Variants in WBP2NL observed in about 807,000 individuals in gnomAD.
The protein encoded by WBP2NL is WBP2 N-terminal like, also known as postacrosomal sheath WW domain-binding protein.
Under a neutral mutation model 23.3 loss-of-function variants are expected in WBP2NL, and 27 were observed. The ratio of observed to expected loss-of-function variants is 1.16; its 90% CI spans 0.85 to 1.60. WBP2NL has a LOEUF of 1.60. WBP2NL is among the 40% of genes most tolerant of loss of function. The pLI is 0.00. For synonymous variants in WBP2NL, 151 were observed against 145.9 expected (o/e 1.03, Z -0.25); for missense variants, 370 against 389.5 (o/e 0.95, Z 0.42).
rs1924536972 is a variant in WBP2NL, at chr22:42,026,775, A to C, written c.524A>C (p.Tyr175Ser). ...TPQMPCSVIV[Y>S]GAPPAGYGAP... Reference sequence around the variant, plus strand: ...CCATTATAATTCCCAGTTATTGTCTATGGAGCCCCACCTGCAGGATATGGA... The same window carrying C: ...CCATTATAATTCCCAGTTATTGTCTCTGGAGCCCCACCTGCAGGATATGGA... The change falls in exon 6 of 6, where the codon TAT becomes TCT. Residue 175 changes from tyrosine to serine, a missense_variant. Tyr to Ser is a moderately radical substitution (Grantham distance 144). Coordinates refer to ENST00000328823, the MANE Select transcript of WBP2NL (RefSeq NM_152613.3). 1 of 1,613,602 alleles carries C rather than the reference A, an allele frequency of 6.2e-7. No individual in the cohort carries two copies. The highest frequency in any genetic ancestry group is 1.3e-5 in the African/African-American group (1 of 74,896).
chr22:42,041,362 G>A (rs133353), intron 8 of WBP2NL, among the ~76,000 whole-genome samples: 94,883 of 151,462 alleles, frequency 0.63, 30,270 homozygotes, highest in East Asian at 0.85. Flanking sequence ...CACACCTGTA[G>A]TCCCAGCTAC....
At chr22:42,016,183 G>A (rs571146648) in intron 1 of WBP2NL, among the ~76,000 whole-genome samples, 164 of 152,056 alleles carry the variant, frequency 1.1e-3, no homozygotes, top group African/African-American at 3.7e-3. Context: ...GTTTCTCCAT[G>A]TTGGTCATGC....
At position 42,048,149 on chromosome 22, in the gene WBP2NL, C is replaced by T. The variant is rs767429174; in HGVS notation, c.*274-10141C>T. ...CTAAAGAAGAAAAATAGGCTGGGTG[C>T]GGTGGCTCACACCTGTAATCCCAGC... On this transcript the variant is annotated intron_variant and NMD_transcript_variant, in intron 8 of 8. Coordinates refer to the WBP2NL transcript ENST00000436265. Among the ~76,000 whole-genome samples, 19 of 151,718 alleles carry T rather than the reference C, an allele frequency of 1.3e-4. No individual in the cohort carries two copies. The East Asian group carries it at 1.8e-3, about 14-fold the overall frequency.
chr22:42,032,830 T>G, downstream of WBP2NL: 2 of 384,612 alleles, frequency 5.2e-6, no homozygotes. Context: ...GACCAGCAGT[T>G]TGATTAGTTT....
intron 1 of WBP2NL, among the ~76,000 whole-genome samples, chr22:41,999,317 A>C (rs1237636208): frequency 6.6e-6 from 1 of 152,120 alleles, no homozygotes; most frequent in African/African-American, 2.4e-5. Flanking sequence ...ATCTCCTCCT[A>C]CTTCCACGAA....
chr22:41,999,070 C>T (rs1422678654), intron 1 of WBP2NL, among the ~76,000 whole-genome samples, 190 bp downstream of exon 1: 1 of 132,256 alleles, frequency 7.6e-6, no homozygotes, highest in Admixed American at 8.4e-5. Flanking sequence ...TGGCGGAGGC[C>T]GGAACGCGTG....
At chr22:42,049,654 C>T (rs566854376) in intron 8 of WBP2NL, among the ~76,000 whole-genome samples, 37 of 137,506 alleles carry the variant, frequency 2.7e-4, no homozygotes, top group Admixed American at 4.6e-4. Flanking sequence ...CATGCCACTG[C>T]ACTCCAGCCT....
chr22:42,046,182 G>A (rs1204802658), intron 8 of WBP2NL, among the ~76,000 whole-genome samples: 1 of 152,240 alleles, frequency 6.6e-6, no homozygotes, highest in East Asian at 1.9e-4. Context: ...CTGGTTGGTA[G>A]GGTGAGGTGG....
chr22:42,023,198 TTTTG>T (rs1276729638), intron 5 of WBP2NL, among the ~76,000 whole-genome samples: 1 of 138,606 alleles, frequency 7.2e-6, no homozygotes, highest in African/African-American at 2.6e-5. Flanking sequence ...TGTTTTTTTT[TTTTG>T]GAGACAGAGT....
At chr22:42,006,476 G>A (rs133318) in intron 1 of WBP2NL, among the ~76,000 whole-genome samples, 57,401 of 151,978 alleles carry the variant, frequency 0.38, 13,448 homozygotes, top group East Asian at 0.85. Context: ...CTCGTGATCC[G>A]CCCACCTCAG....
Position 42,026,804 on chromosome 22 carries a change from C to T in WBP2NL, c.553C>T (p.Pro185Ser), listed in dbSNP as rs1196546719. The change falls in exon 6 of 6, where the codon CCA (proline) becomes TCA (serine). Residue 185 changes from proline (P) to serine (S), a missense_variant. By Grantham distance (74) the Pro-to-Ser change is moderately conservative (BLOSUM62 -1). Coordinates refer to ENST00000328823, the MANE Select transcript of WBP2NL (RefSeq NM_152613.3). ...AGCCCCACCTGCAGGATATGGAGCC[C>T]CACCTCCCGGATACGGAGCCCCACC... ...YGAPPAGYGAPPPGYGAPPAG... is the reference protein window; with the variant it reads ...YGAPPAGYGASPPGYGAPPAG... 6.2e-7 allele frequency: 1 copy of T among 1,613,868 alleles called. No individual in the cohort carries two copies. Among genetic ancestry groups the T allele is most frequent in the African/African-American group, 1.3e-5 (1 of 74,898 alleles).
At chr22:42,011,032 C>G (rs1376793660) in intron 1 of WBP2NL, among the ~76,000 whole-genome samples, 1 of 152,086 alleles carries the variant, frequency 6.6e-6, no homozygotes, top group East Asian at 1.9e-4. Flanking sequence ...ATTTGGTTTG[C>G]TAGTATTTTG....
chr22:42,041,977 C>G (rs186238239), intron 8 of WBP2NL, among the ~76,000 whole-genome samples: 282 of 152,286 alleles, frequency 1.9e-3, no homozygotes, highest in African/African-American at 6.6e-3. Flanking sequence ...CATTTTATGT[C>G]AATATTTGGA....
chr22:42,036,458 G>A (rs1602475321), downstream of WBP2NL, among the ~76,000 whole-genome samples: 1 of 152,320 alleles, frequency 6.6e-6, no homozygotes, highest in East Asian at 1.9e-4. Context: ...ACGGGCGTGA[G>A]CCACCGTGCC....
intron 1 of WBP2NL, among the ~76,000 whole-genome samples, chr22:42,004,412 A>G (rs6002571): frequency 0.58 from 87,734 of 152,006 alleles, 26,546 homozygotes; most frequent in African/African-American, 0.73. Flanking sequence ...TGGGCAACAT[A>G]GTAAAACCCT....
At chr22:42,037,127 T>C (rs1180500716), downstream of WBP2NL, among the ~76,000 whole-genome samples, 1 of 98,714 alleles carries the variant, frequency 1.0e-5, no homozygotes, top group Admixed American at 1.1e-4. Flanking sequence ...TCAGATTTCA[T>C]TTGTGTGTGT....
chr22:42,024,200 A>G (rs1222052139), intron 5 of WBP2NL, among the ~76,000 whole-genome samples: 3 of 152,182 alleles, frequency 2.0e-5, no homozygotes, highest in Non-Finnish European at 4.4e-5. Flanking sequence ...ATAATACTCC[A>G]TTGTACATAT....
chr22:42,012,549 A>G (rs1042545272), intron 1 of WBP2NL, among the ~76,000 whole-genome samples: 2 of 152,172 alleles, frequency 1.3e-5, no homozygotes, highest in Admixed American at 6.5e-5. Flanking sequence ...TTCCATTGTA[A>G]TCAGAAAACA....
At chr22:42,050,299 C>T (rs1424539524) in intron 8 of WBP2NL, among the ~76,000 whole-genome samples, 1 of 151,734 alleles carries the variant, frequency 6.6e-6, no homozygotes, top group Non-Finnish European at 1.5e-5. Flanking sequence ...TCTCTAAAAA[C>T]AAACGAAAAA....
Sources: allele counts gnomAD v4.1 joint callset (sites outside exome capture counted in the v4.1 genomes callset), GRCh38; gene constraint gnomAD v4.1.1; transcripts MANE v1.5; gene names NCBI Gene and HGNC (gene_info 2026-07-23, HGNC 2026-07-21).